The following MYO15B variants were observed in gnomAD, a reference collection of about 807,000 sequenced individuals.
MYO15B encodes the protein myosin XVB pseudogene.
In MYO15B, 207 loss-of-function variants were observed where a neutral mutation model predicts 119.3. The observed-to-expected ratio is 1.73, with a 90% CI of 1.55 to 1.95. MYO15B has a LOEUF of 1.95. Among genes scored for constraint, MYO15B ranks in the 30% most tolerant of loss-of-function variants. The pLI is 0.00. For missense variants in MYO15B, 2,264 were observed against 1,203.1 expected (o/e 1.88, Z -13.04); for synonymous variants, 966 against 498.9 (o/e 1.94, Z -12.48).
In MYO15B at chr17:75,602,897, CCT is replaced by C; in HGVS notation, c.3801_3802del (p.Arg1268LeufsTer26). 1 of 687,614 alleles carries C rather than the reference CCT, an allele frequency of 1.5e-6. No individual in the cohort carries two copies. The highest frequency in any genetic ancestry group is 2.7e-6 in the Non-Finnish European group (1 of 376,896). The allele number at this position is 687,614 out of a possible 1,614,324, so 42.6% of individuals were successfully genotyped here. ...GGAGGGCGAGGCAGACCCACGCTGG[CCT>C]CTCGCTTCCAGCAGGCCCTGGAGGA... On this transcript the variant is annotated frameshift_variant, in exon 17 of 64. Coordinates refer to ENST00000645453, the Ensembl canonical transcript of MYO15B. LOFTEE classifies it high-confidence loss of function.
intron 47 of MYO15B, 99 bp downstream of exon 47, chr17:75,620,119 G>A: frequency 1.5e-6 from 1 of 648,806 alleles, no homozygotes; most frequent in South Asian, 1.6e-5. Flanking sequence ...CTGGGAGTTT[G>A]GGCCAAATCC....
chr17:75,591,587 C>A lies in MYO15B; in HGVS notation c.2436-14C>A. ...GCCCCTCCCTGGAGACCCTACCAAC[C>A]AACACATCCTTAGCTCCTCCCACTG... On this transcript the variant is annotated splice_polypyrimidine_tract_variant and intron_variant, in intron 4 of 63. Transcript: ENST00000645453. 1.4e-6 allele frequency: 1 copy of A among 702,772 alleles called. No individual in the cohort carries two copies. The highest frequency in any genetic ancestry group is 1.5e-5 in the South Asian group (1 of 67,564). 43.5% of individuals were successfully genotyped at this position (702,772 alleles called of 1,614,324 possible).
chr17:75,620,507 T>C (rs1166023182), exon 49 of MYO15B: 4 of 702,770 alleles, frequency 5.7e-6, no homozygotes, highest in Middle Eastern at 4.6e-4. Context: ...CCGGACTCTT[T>C]CCTGCCGACA....
chr17:75,592,393 G>A, intron 7 of MYO15B, 35 bp from the exon 8 acceptor site: 1 of 679,842 alleles, frequency 1.5e-6, no homozygotes, highest in Non-Finnish European at 2.7e-6. Flanking sequence ...TAAGCCCCTA[G>A]GGCACTGAGC....
At chr17:75,604,305 G>A (rs2057473917) in intron 19 of MYO15B, among the ~76,000 whole-genome samples, 1 of 152,110 alleles carries the variant, frequency 6.6e-6, no homozygotes, top group African/African-American at 2.4e-5. Context: ...GCCATTCCCT[G>A]ATGCACTGTG....
In MYO15B at chr17:75,622,249, A is replaced by G. The variant is rs751343847; in HGVS notation, c.8082+169A>G. Among the ~76,000 whole-genome samples, 114 of 152,228 alleles carry G rather than the reference A, an allele frequency of 7.5e-4. 1 individual carries two copies. The highest frequency in any genetic ancestry group is 1.0e-3 in the South Asian group (5 of 4,836). Reference sequence around the variant, plus strand: ...TGAAGCCAACAGGCTAAGTCTCTGCAGTGCTTACAATGAGATAACTTATGT... The same window carrying G: ...TGAAGCCAACAGGCTAAGTCTCTGCGGTGCTTACAATGAGATAACTTATGT... On this transcript the variant is annotated intron_variant, in intron 53 of 63. Transcript: ENST00000645453.
intron 5 of MYO15B, 57 bp from the exon 6 acceptor site, chr17:75,591,919 TG>T (rs2056485142): frequency 2.9e-6 from 2 of 689,560 alleles, no homozygotes; most frequent in South Asian, 3.0e-5. Context: ...CTAGCTGGGA[TG>T]CCTGCTGGTG....
chr17:75,598,423 A>G (rs957606322), intron 14 of MYO15B, among the ~76,000 whole-genome samples: 3 of 151,258 alleles, frequency 2.0e-5, no homozygotes, highest in African/African-American at 7.3e-5. Context: ...CTAAAAATAC[A>G]AAAAATTAGC....
At chr17:75,593,987 G>C (rs897943160) in intron 9 of MYO15B, among the ~76,000 whole-genome samples, 25 of 151,784 alleles carry the variant, frequency 1.6e-4, no homozygotes, top group Middle Eastern at 6.8e-3. Flanking sequence ...CTACTGGGGA[G>C]GCTGAGGTGG....
chr17:75,597,033 A>G, intron 14 of MYO15B, 134 bp downstream of exon 14: 3 of 589,972 alleles, frequency 5.1e-6, no homozygotes, highest in Non-Finnish European at 9.0e-6. Flanking sequence ...ACAGTTCCTC[A>G]GCACAGCCTG....
chr17:75,609,904 T>A (rs2147949991), intron 21 of MYO15B, among the ~76,000 whole-genome samples: 1 of 152,272 alleles, frequency 6.6e-6, no homozygotes, highest in East Asian at 1.9e-4. Flanking sequence ...TTGGCCAGGC[T>A]GGTCTTGAAC....
chr17:75,613,948 T>C, intron 29 of MYO15B, 171 bp downstream of exon 29: 2 of 593,310 alleles, frequency 3.4e-6, no homozygotes. Flanking sequence ...ATGAGGGGCT[T>C]GGGAGCTCCC....
chr17:75,605,310 A>G (rs541763345), intron 19 of MYO15B, among the ~76,000 whole-genome samples, 194 bp from the exon 20 acceptor site: 246 of 150,736 alleles, frequency 1.6e-3, no homozygotes, highest in Non-Finnish European at 3.0e-3. Context: ...GGTGGCGGGC[A>G]CCTGTAGTCC....
At chr17:75,615,762 G>A in exon 36 of MYO15B, 1 of 701,944 alleles carries the variant, frequency 1.4e-6, no homozygotes, top group Non-Finnish European at 2.6e-6. Context: ...GCAGCAGCAG[G>A]CTCGGGCCTC....
At chr17:75,594,808 C>T (rs1568123959) in intron 11 of MYO15B, 32 bp from the exon 12 acceptor site, 3 of 702,812 alleles carry the variant, frequency 4.3e-6, no homozygotes, top group East Asian at 2.7e-5. Context: ...AGGCACGGCT[C>T]TATGTGGCTC....
chr17:75,603,357 G>C, intron 19 of MYO15B, 45 bp downstream of exon 19: 1 of 698,002 alleles, frequency 1.4e-6, no homozygotes, highest in South Asian at 1.5e-5. Context: ...GAGGCCACCG[G>C]GAGTGACTGG....
intron 58 of MYO15B, 40 bp from the exon 59 acceptor site, chr17:75,624,731 G>A: frequency 1.4e-6 from 1 of 702,632 alleles, no homozygotes; most frequent in Non-Finnish European, 2.6e-6. Context: ...GGCCGGGTGT[G>A]TGTGGTCTGA....
In MYO15B at chr17:75,610,829, T is replaced by C. The variant is rs892194140; in HGVS notation, c.4387-71T>C. Reference sequence around the variant, plus strand: ...AGGGGCAGGAGGGGACAGCTGAACTTCAGAGCTGGGGAGGTGCCCCCAGGT... The same window carrying C: ...AGGGGCAGGAGGGGACAGCTGAACTCCAGAGCTGGGGAGGTGCCCCCAGGT... On this transcript the variant is annotated intron_variant, in intron 22 of 63. Coordinates refer to ENST00000645453, the Ensembl canonical transcript of MYO15B. 8.6e-6 allele frequency: 6 copies of C among 701,630 alleles called. No homozygotes were observed. The African/African-American group carries it at 8.7e-5, about 10-fold the overall frequency. 43.5% of individuals were successfully genotyped at this position (701,630 alleles called of 1,614,324 possible). A position where few individuals can be genotyped will look rare whatever the true frequency, so the allele number is the denominator to read the frequency against.
intron 14 of MYO15B, among the ~76,000 whole-genome samples, chr17:75,599,681 C>A (rs2057114673): frequency 1.3e-5 from 2 of 151,686 alleles, no homozygotes; most frequent in African/African-American, 4.8e-5. Context: ...CTGAGGCGGG[C>A]AGATCACGAG....
Sources: allele counts gnomAD v4.1 joint callset (sites outside exome capture counted in the v4.1 genomes callset), GRCh38; gene constraint gnomAD v4.1.1; transcripts MANE v1.5; gene names NCBI Gene and HGNC (gene_info 2026-07-23, HGNC 2026-07-21).